The following GALNT13 variants were observed in gnomAD, a reference collection of about 807,000 sequenced individuals.
GALNT13 encodes the protein UDP-GalNAc:polypeptide N-acetylgalactosaminyltransferase 13.
In GALNT13, 28 loss-of-function variants were observed where a neutral mutation model predicts 64.2. That is an observed-to-expected ratio of 0.44 (90% confidence interval 0.32 to 0.60). GALNT13 has a LOEUF of 0.60. Among genes scored for constraint, GALNT13 ranks in the 20% least tolerant of loss-of-function variants. The pLI is 0.05. For missense variants in GALNT13, 577 were observed against 669.8 expected (o/e 0.86, Z 1.53); for synonymous variants, 214 against 224.6 (o/e 0.95, Z 0.42).
chr2:153,548,154 G>T, the GALNT13 span, among the ~76,000 whole-genome samples: 6 of 152,108 alleles, frequency 3.9e-5, no homozygotes, highest in Non-Finnish European at 8.8e-5. Context: ...ATTTTTCTGT[G>T]CACAAAAGTC....
At chr2:153,798,753 G>A in the GALNT13 span, among the ~76,000 whole-genome samples, 6 of 152,098 alleles carry the variant, frequency 3.9e-5, no homozygotes, top group South Asian at 8.3e-4. Context: ...TTTTCAAATT[G>A]AACTCTTAAA....
chr2:154,285,898 A>G (rs1367870911), intron 8 of GALNT13, among the ~76,000 whole-genome samples: 2 of 152,204 alleles, frequency 1.3e-5, no homozygotes, highest in Admixed American at 1.3e-4. Flanking sequence ...ATAATTTTCA[A>G]TAAACACATC....
the GALNT13 span, among the ~76,000 whole-genome samples, chr2:153,501,962 G>C: frequency 6.6e-6 from 1 of 152,142 alleles, no homozygotes; most frequent in Non-Finnish European, 1.5e-5. Flanking sequence ...GAGGGGCAGA[G>C]AATACAGTAA....
chr2:153,621,974 A>G, the GALNT13 span, among the ~76,000 whole-genome samples: 1 of 152,000 alleles, frequency 6.6e-6, no homozygotes, highest in African/African-American at 2.4e-5. Flanking sequence ...AGTTTAGTAA[A>G]AAAATGTGTA....
the GALNT13 span, among the ~76,000 whole-genome samples, chr2:153,618,049 CT>C: frequency 1.1e-4 from 16 of 151,368 alleles, no homozygotes; most frequent in Non-Finnish European, 1.2e-4. Flanking sequence ...TTTATTGTTT[CT>C]TTTCTTCCAC....
chr2:153,271,196 T>C, the GALNT13 span, among the ~76,000 whole-genome samples: 1 of 152,146 alleles, frequency 6.6e-6, no homozygotes, highest in Non-Finnish European at 1.5e-5. Context: ...AGAATTCCCT[T>C]TGAAAACCAA....
At chr2:154,143,916 C>T (rs932907299) in intron 4 of GALNT13, among the ~76,000 whole-genome samples, 5 of 143,790 alleles carry the variant, frequency 3.5e-5, no homozygotes, top group Non-Finnish European at 6.1e-5. Context: ...TGTTGTCTTA[C>T]TCTAAGAAAA....
the GALNT13 span, among the ~76,000 whole-genome samples, chr2:153,730,239 T>C: frequency 6.6e-6 from 1 of 151,932 alleles, no homozygotes; most frequent in African/African-American, 2.4e-5. Flanking sequence ...GGTTTAAAAA[T>C]AGATACATAG....
intron 2 of GALNT13, among the ~76,000 whole-genome samples, chr2:153,929,748 G>A (rs1373452347): frequency 1.3e-5 from 2 of 152,042 alleles, no homozygotes; most frequent in Non-Finnish European, 2.9e-5. Flanking sequence ...TAGTCTACCA[G>A]TGATGGGCAT....
At chr2:153,569,999 A>T in the GALNT13 span, among the ~76,000 whole-genome samples, 211 of 152,246 alleles carry the variant, frequency 1.4e-3, no homozygotes, top group African/African-American at 4.9e-3. Context: ...TTTGAAGAAC[A>T]TCCAAACTGT....
chr2:153,270,049 A>T, the GALNT13 span, among the ~76,000 whole-genome samples: 27 of 152,334 alleles, frequency 1.8e-4, no homozygotes, highest in African/African-American at 6.5e-4. Flanking sequence ...GTTAAACTGC[A>T]ATGTGTGTCT....
At chr2:153,311,502 T>G in the GALNT13 span, among the ~76,000 whole-genome samples, 1 of 152,200 alleles carries the variant, frequency 6.6e-6, no homozygotes, top group Non-Finnish European at 1.5e-5. Flanking sequence ...CGGGAACAGT[T>G]TAGCTGAGTG....
the GALNT13 span, among the ~76,000 whole-genome samples, chr2:153,673,361 C>T: frequency 5.9e-5 from 9 of 152,224 alleles, no homozygotes; most frequent in African/African-American, 1.2e-4. Context: ...TTATCTACCA[C>T]GATCAAGACA....
At chr2:154,393,884 C>G (rs1386301395) in intron 9 of GALNT13, among the ~76,000 whole-genome samples, 2 of 150,740 alleles carry the variant, frequency 1.3e-5, no homozygotes, top group Admixed American at 6.6e-5. Flanking sequence ...CGAGACCATC[C>G]CGGCTAAAAC....
chr2:154,290,743 C>T (rs1005019645), intron 8 of GALNT13, among the ~76,000 whole-genome samples: 4 of 152,160 alleles, frequency 2.6e-5, no homozygotes, highest in African/African-American at 9.7e-5. Flanking sequence ...GTGAGTGTTA[C>T]AGTTCTTAAA....
the GALNT13 span, among the ~76,000 whole-genome samples, chr2:153,744,716 T>C: frequency 2.6e-5 from 4 of 152,162 alleles, no homozygotes; most frequent in Admixed American, 2.0e-4. Context: ...TTCTGCCTTC[T>C]TCTCACTAGA....
chr2:154,229,992 A>T (rs925021968), intron 4 of GALNT13, among the ~76,000 whole-genome samples: 1 of 152,146 alleles, frequency 6.6e-6, no homozygotes, highest in African/African-American at 2.4e-5. Flanking sequence ...TACTCCACAG[A>T]TGCACTATAC....
At chr2:154,413,659 T>C (rs1217286557) in intron 11 of GALNT13, among the ~76,000 whole-genome samples, 3 of 151,966 alleles carry the variant, frequency 2.0e-5, no homozygotes, top group African/African-American at 7.2e-5. Context: ...TTTCCTATCC[T>C]AGCAGTTCAC....
intron 3 of GALNT13, among the ~76,000 whole-genome samples, chr2:154,116,888 A>T (rs1299646393): frequency 6.6e-6 from 1 of 152,152 alleles, no homozygotes; most frequent in East Asian, 1.9e-4. Flanking sequence ...AAGAACTAAT[A>T]AGATAGTTAG....
Sources: allele counts gnomAD v4.1 joint callset (sites outside exome capture counted in the v4.1 genomes callset), GRCh38; gene constraint gnomAD v4.1.1; transcripts MANE v1.5; gene names NCBI Gene and HGNC (gene_info 2026-07-23, HGNC 2026-07-21).